The following MED24 variants were observed in gnomAD, a reference collection of about 807,000 sequenced individuals.
MED24 encodes the protein mediator complex subunit 24, also known as mediator of RNA polymerase II transcription subunit 24.
Under a neutral mutation model 118.8 loss-of-function variants are expected in MED24, and 74 were observed. The ratio of observed to expected loss-of-function variants is 0.62; its 90% CI spans 0.52 to 0.76. The LOEUF (loss-of-function observed/expected upper bound fraction) is 0.76. Among genes scored for constraint, MED24 ranks in the 30% least tolerant of loss-of-function variants. MED24 has a pLI of 0.00. For synonymous variants in MED24, 521 were observed against 523.9 expected (o/e 0.99, Z 0.08); for missense variants, 1,041 against 1,278.9 (o/e 0.81, Z 2.84).
chr17:40,019,774 G>A lies in MED24; in HGVS notation c.2853+11C>T, dbSNP rs763482444. ...CAGCACCAGCAGGAGAGCCGGGAAGGTGGTACTCACGGTGGTGAAGGGCAT... is the reference window on the plus strand; with the variant it reads ...CAGCACCAGCAGGAGAGCCGGGAAGATGGTACTCACGGTGGTGAAGGGCAT... On this transcript the variant is annotated intron_variant, in intron 25 of 25. Coordinates refer to ENST00000394128, the MANE Select transcript of MED24 (RefSeq NM_014815.4). 3 of 1,612,048 alleles carry A rather than the reference G, an allele frequency of 1.9e-6. No individual in the cohort carries two copies. The highest frequency in any genetic ancestry group is 2.5e-6 in the Non-Finnish European group (3 of 1,178,938).
At chr17:40,052,949 C>G (rs1391966490) in intron 3 of MED24, among the ~76,000 whole-genome samples, 1 of 151,972 alleles carries the variant, frequency 6.6e-6, no homozygotes, top group African/African-American at 2.4e-5. Flanking sequence ...TTGTTTCTTT[C>G]CTGAGACAGG....
At position 40,027,448 on chromosome 17, in the gene MED24, G is replaced by A. The variant is rs1248823571; in HGVS notation, c.1465C>T (p.Arg489Trp). Residue 489 changes from arginine to tryptophan, a missense_variant, in exon 16 of 26, where the codon CGG becomes TGG. This residue lies in a region of MED24 where 587 missense variants were observed against 694.4 expected (regional missense o/e 0.85). Transcript: ENST00000394128. Reference protein sequence around the residue: ...SEESTKPASVRALLFDISFLM... With the variant: ...SEESTKPASVWALLFDISFLM... ...AAGGAGATGTCAAACAGCAGGGCCC[G>A]GACGGAGGCCGGTTTGGCTGTGGAA... 6.2e-7 allele frequency: 1 copy of A among 1,612,750 alleles called. No individual in the cohort carries two copies. The highest frequency in any genetic ancestry group is 8.5e-7 in the Non-Finnish European group (1 of 1,179,350).
chr17:40,043,645 T>C (rs990732566), intron 3 of MED24, among the ~76,000 whole-genome samples: 4 of 151,968 alleles, frequency 2.6e-5, no homozygotes, highest in East Asian at 3.9e-4. Context: ...TCCCAGCACT[T>C]TGGGAGGCCG....
At position 40,027,006 on chromosome 17, in the gene MED24, G is replaced by A. The variant is rs751913595; in HGVS notation, c.1559C>T (p.Ala520Val). The A allele has an allele frequency of 6.2e-6, 10 of 1,614,144 alleles. No individual in the cohort carries two copies. Among genetic ancestry groups the A allele is most frequent in the Non-Finnish European group, 8.5e-6 (10 of 1,180,022 alleles). Residue 520 changes from alanine (A) to valine (V), a missense_variant, in exon 17 of 26, where the codon GCT becomes GTT. Ala to Val is a moderately conservative substitution (Grantham distance 64, BLOSUM62 0). Coordinates refer to ENST00000394128, the MANE Select transcript of MED24 (RefSeq NM_014815.4). ...CCAGGTCTCGAAGAAGGGCACCTCAGCTCCTGTGCGCGACTCGGACAGAAT... is the reference window on the plus strand; with the variant it reads ...CCAGGTCTCGAAGAAGGGCACCTCAACTCCTGTGCGCGACTCGGACAGAAT... ...EVILSESRTGAEVPFFETWMQ... is the reference protein window; with the variant it reads ...EVILSESRTGVEVPFFETWMQ...
At chr17:40,023,614 A>C in intron 19 of MED24, 5 of 513,576 alleles carry the variant, frequency 9.7e-6, no homozygotes, top group East Asian at 6.7e-5. Flanking sequence ...AAGCCTATAA[A>C]TAGGGACTGG....
chr17:40,051,732 G>C (rs1420100532), intron 3 of MED24, among the ~76,000 whole-genome samples: 4 of 151,914 alleles, frequency 2.6e-5, no homozygotes, highest in Non-Finnish European at 5.9e-5. Flanking sequence ...AGACCAGCCT[G>C]GCCAAAATGG....
At position 40,023,255 on chromosome 17, in the gene MED24, T is replaced by A; in HGVS notation, c.2126A>T (p.Glu709Val). ...NLLPPKRPIK[E>V]VLTDIFAKVL... ...CTTGGCAAAAATGTCCGTCAGCACC[T>A]CTTTGATGGGCCGCTTGGGGGGCAG... is the stretch of plus-strand genomic sequence containing the variant. Residue 709 changes from glutamate to valine, a missense_variant, in exon 20 of 26, where the codon GAG becomes GTG. Physicochemically the swap from Glu to Val is moderately radical, Grantham distance 121. Coordinates refer to ENST00000394128, the MANE Select transcript of MED24 (RefSeq NM_014815.4). 6.2e-7 allele frequency: 1 copy of A among 1,614,098 alleles called. No homozygotes were observed. Among genetic ancestry groups the A allele is most frequent in the Non-Finnish European group, 8.5e-7 (1 of 1,179,990 alleles).
At chr17:40,044,711 T>C (rs1224514882) in intron 3 of MED24, among the ~76,000 whole-genome samples, 2 of 151,388 alleles carry the variant, frequency 1.3e-5, no homozygotes, top group Non-Finnish European at 2.9e-5. Flanking sequence ...GAAACGCATC[T>C]CTACTAAAAA....
chr17:40,022,306 C>G lies in MED24; in HGVS notation c.2523+88G>C, dbSNP rs1982115631. ...GCTGCCCCAAGGGCAGGGGCCACAA[C>G]TGCTTCCCTTTGCCTGGGGAATCCT... is the stretch of plus-strand genomic sequence containing the variant. On this transcript the variant is annotated intron_variant, in intron 22 of 25. Coordinates refer to ENST00000394128, the MANE Select transcript of MED24 (RefSeq NM_014815.4). 3 of 1,379,988 alleles carry G rather than the reference C, an allele frequency of 2.2e-6. No individual in the cohort carries two copies. The South Asian group carries it at 3.8e-5, about 18-fold the overall frequency. The allele number at this position is 1,379,988 out of a possible 1,614,324, so 85.5% of individuals were successfully genotyped here. A position where few individuals can be genotyped will look rare whatever the true frequency, so the allele number is the denominator to read the frequency against.
At chr17:40,053,757 A>G (rs1986073745) in intron 1 of MED24, 122 bp from the exon 2 acceptor site, 2 of 1,283,092 alleles carry the variant, frequency 1.6e-6, no homozygotes, top group Non-Finnish European at 2.2e-6. Flanking sequence ...GAGGAATTTG[A>G]AAGAAAAAGA....
rs1983599734 is a variant in MED24 at position 40,033,329 on chromosome 17, C to G, written c.671+16G>C. 6.2e-7 allele frequency: 1 copy of G among 1,612,744 alleles called. No individual in the cohort carries two copies. Among genetic ancestry groups the G allele is most frequent in the East Asian group, 2.2e-5 (1 of 44,840 alleles). On this transcript the variant is annotated intron_variant, in intron 7 of 25. Transcript: ENST00000394128. The surrounding 1 kb of genome is among the most constrained non-coding windows in gnomAD (Gnocchi z 5.2). ...CCTCCCTCTCCCTTCTCCACCATCCCCCAGGGAGCCGGTACCTCCTAATGA... is the reference window on the plus strand; with the variant it reads ...CCTCCCTCTCCCTTCTCCACCATCCGCCAGGGAGCCGGTACCTCCTAATGA...
intron 3 of MED24, among the ~76,000 whole-genome samples, chr17:40,049,238 C>T (rs903393115): frequency 2.6e-5 from 4 of 152,094 alleles, no homozygotes; most frequent in African/African-American, 9.7e-5. Context: ...TGAGAGCAAA[C>T]TCCTTTTCTC....
Position 40,031,189 on chromosome 17 carries a change from T to C in MED24, c.1124A>G (p.Glu375Gly). 1.3e-6 allele frequency: 2 copies of C among 1,572,658 alleles called. No homozygotes were observed. The highest frequency in any genetic ancestry group is 1.7e-6 in the Non-Finnish European group (2 of 1,157,884). The change falls in exon 12 of 26, where the codon GAG (glutamate) becomes GGG (glycine). Residue 375 changes from glutamate to glycine, a missense_variant. Transcript: ENST00000394128. The stretch of plus-strand genomic sequence containing the variant: ...AGCCATAAGGTTGTTGACGCTGGCC[T>C]CAGACAGAAGCCCCTGCTTGCCACA... ...QECGKQGLLS[E>G]ASVNNLMAKR...
At position 40,022,672 on chromosome 17, in the gene MED24, A is replaced by G. The variant is rs754898174; in HGVS notation, c.2405T>C (p.Met802Thr). Residue 802 changes from methionine (M) to threonine (T), a missense_variant, in exon 21 of 26, where the codon ATG becomes ACG. Met to Thr is a moderately conservative substitution (Grantham distance 81, BLOSUM62 -1). This residue lies in a region of MED24 where 587 missense variants were observed against 694.4 expected (regional missense o/e 0.85). Coordinates refer to ENST00000394128, the MANE Select transcript of MED24 (RefSeq NM_014815.4). ...LTDSSKWHSLMDPPGTALAKL... is the reference protein window; with the variant it reads ...LTDSSKWHSLTDPPGTALAKL... ...GGCAAGAGCAGTGCCCGGGGGGTCC[A>G]TGAGGCTGTGCCACTTGGAGGAGTC... is the stretch of plus-strand genomic sequence containing the variant. 3 of 1,613,752 alleles carry G rather than the reference A, an allele frequency of 1.9e-6. No individual in the cohort carries two copies. The highest frequency in any genetic ancestry group is 1.7e-6 in the Non-Finnish European group (2 of 1,179,988).
rs575178683 is a variant in MED24 at position 40,047,672 on chromosome 17, A to C, written c.213+5626T>G. ...GCGAGACTCCATCTCATAAAAAAAA[A>C]CAAAAAAACAAAAAACAAAAAACAA... On this transcript the variant is annotated intron_variant, in intron 3 of 25. Transcript: ENST00000394128. Among the ~76,000 whole-genome samples the C allele has an allele frequency of 2.2e-3, 334 of 150,318 alleles. 1 individual carries two copies. Among genetic ancestry groups the C allele is most frequent in the South Asian group, 6.6e-3 (32 of 4,818 alleles).
At chr17:40,050,042 C>T (rs1294937266) in intron 3 of MED24, among the ~76,000 whole-genome samples, 3 of 147,922 alleles carry the variant, frequency 2.0e-5, no homozygotes, top group East Asian at 2.0e-4. Context: ...CCCAGCTACT[C>T]GGGAGGCTGA....
At position 40,053,610 on chromosome 17, in the gene MED24, G is replaced by A. The variant is rs1567641455; in HGVS notation, c.-12C>T. On this transcript the variant is annotated 5_prime_UTR_variant, in exon 2 of 26. Transcript: ENST00000394128. ...TTGACCACCTTCATTATTTCACTCTGAGCAGGTGGCAGCGGTGGCGGCCAG... is the reference window on the plus strand; with the variant it reads ...TTGACCACCTTCATTATTTCACTCTAAGCAGGTGGCAGCGGTGGCGGCCAG... 2.5e-6 allele frequency: 4 copies of A among 1,614,114 alleles called. No homozygotes were observed. The highest frequency in any genetic ancestry group is 3.4e-6 in the Non-Finnish European group (4 of 1,180,048).
Position 40,033,153 on chromosome 17 carries a change from G to A in MED24, c.725C>T (p.Pro242Leu). 1 of 1,614,142 alleles carries A rather than the reference G, an allele frequency of 6.2e-7. No homozygotes were observed. Among genetic ancestry groups the A allele is most frequent in the Non-Finnish European group, 8.5e-7 (1 of 1,180,036 alleles). Residue 242 changes from proline (P) to leucine (L), a missense_variant, in exon 8 of 26, where the codon CCC becomes CTC. This residue lies in a region of MED24 where 434 missense variants were observed against 514.9 expected (regional missense o/e 0.84). Coordinates refer to ENST00000394128, the MANE Select transcript of MED24 (RefSeq NM_014815.4). This position sits in a 1 kb window ranked among gnomAD's most constrained non-coding sequence, Gnocchi z 5.2. ...HAEQMHKTGF[P>L]TVHAVILLEG... ...GAGCAGGATCACGGCGTGGACAGTGGGGAAGCCGGTCTTGTGCATCTGCTC... is the reference window on the plus strand; with the variant it reads ...GAGCAGGATCACGGCGTGGACAGTGAGGAAGCCGGTCTTGTGCATCTGCTC...
rs2302774 is a variant in MED24, at chr17:40,026,837, G to T, written c.1709+19C>A. 608,750 of 1,609,606 alleles carry T rather than the reference G, an allele frequency of 0.38. 119,530 individuals carry two copies. Among genetic ancestry groups the T allele is most frequent in the Middle Eastern group, 0.51 (3,068 of 6,046 alleles). ...CTGCCCCCACCGCCACCCTTGGAGT[G>T]GGCGCCCGGGCCACTGACACTAGCT... On this transcript the variant is annotated intron_variant, in intron 17 of 25. Coordinates refer to ENST00000394128, the MANE Select transcript of MED24 (RefSeq NM_014815.4).
Sources: gnomAD v4.1 joint callset for allele counts (sites outside exome capture counted in the v4.1 genomes callset) on GRCh38, gnomAD v4.1.1 for gene constraint, gnomAD v4.1.1 regional missense constraint, Gnocchi (gnomAD v3.1) non-coding constraint, MANE v1.5 for transcripts, NCBI Gene and HGNC (gene_info 2026-07-23, HGNC 2026-07-21) for gene names.